DMBT1: variants seen among roughly 807,000 people sequenced by gnomAD.
DMBT1 encodes deleted in malignant brain tumors 1, also known as scavenger receptor cysteine-rich domain-containing protein DMBT1.
DMBT1 carries 198 observed loss-of-function variants against 252.9 expected under a neutral mutation model. The ratio of observed to expected loss-of-function variants is 0.78; its 90% confidence interval spans 0.70 to 0.88. DMBT1 has a LOEUF of 0.88. Ranked by LOEUF, DMBT1 falls within the 40% of genes least tolerant of loss-of-function variation. The pLI, the probability that DMBT1 is intolerant of heterozygous loss-of-function variation, is 0.00. For missense variants in DMBT1, 2,432 were observed against 2,404.7 expected (o/e 1.01, Z -0.24); for synonymous variants, 990 against 942.7 (o/e 1.05, Z -0.92).
At chr10:122,618,598 A>G (rs968596566) in intron 41 of DMBT1, among the ~76,000 whole-genome samples, 6 of 152,228 alleles carry the variant, frequency 3.9e-5, no homozygotes, top group Non-Finnish European at 7.3e-5. Flanking sequence ...AGGAAGAGGC[A>G]GAAGAGAAAA....
chr10:122,620,148 A>G (rs961810270), intron 42 of DMBT1, 105 bp from the exon 43 acceptor site: 1 of 1,240,100 alleles, frequency 8.1e-7, no homozygotes, highest in Non-Finnish European at 1.2e-6. Context: ...GGCAGGAACC[A>G]GAAATTGAAT....
chr10:122,627,783 G>A (rs1056369750), intron 46 of DMBT1, among the ~76,000 whole-genome samples: 16 of 152,284 alleles, frequency 1.1e-4, no homozygotes, highest in African/African-American at 2.6e-4. Context: ...ATGGGAGAAC[G>A]TATTTCTATC....
At position 122,643,442 on chromosome 10, in the gene DMBT1, T is replaced by A. The variant is rs769962526; in HGVS notation, c.*44T>A. ...CACTGTCCACCGGGGCGCAGACCCC[T>A]GACTCGGGGACTTGGGATGTTCCTC... On this transcript the variant is annotated 3_prime_UTR_variant, in exon 56 of 56. Transcript: ENST00000338354. The A allele has an allele frequency of 5.1e-6, 8 of 1,567,996 alleles. No individual in the cohort carries two copies. The South Asian group carries it at 9.3e-5, about 18-fold the overall frequency.
At chr10:122,629,581 T>C (rs1485629934) in intron 46 of DMBT1, among the ~76,000 whole-genome samples, 3 of 152,238 alleles carry the variant, frequency 2.0e-5, no homozygotes, top group Non-Finnish European at 4.4e-5. Context: ...AGGTGACACA[T>C]GCTCCCTCTG....
At chr10:122,569,260 T>C (rs560631430) in intron 2 of DMBT1, among the ~76,000 whole-genome samples, 1 of 152,176 alleles carries the variant, frequency 6.6e-6, no homozygotes, top group Admixed American at 6.5e-5. Context: ...TTCTCCTCCT[T>C]TAAAAGCTGA....
chr10:122,627,852 C>T (rs2098129312), intron 46 of DMBT1, among the ~76,000 whole-genome samples: 1 of 152,148 alleles, frequency 6.6e-6, no homozygotes, highest in Admixed American at 6.5e-5. Context: ...GATAAAAAGT[C>T]AAATAACCCA....
intron 46 of DMBT1, among the ~76,000 whole-genome samples, 199 bp downstream of exon 46, chr10:122,626,164 A>C (rs532245776): frequency 1.3e-5 from 2 of 152,304 alleles, no homozygotes; most frequent in East Asian, 3.9e-4. Context: ...AAAGGCTTTT[A>C]TTTTGGGGGG....
intron 6 of DMBT1, among the ~76,000 whole-genome samples, chr10:122,576,092 G>A (rs1173518748): frequency 1.3e-5 from 2 of 152,158 alleles, no homozygotes; most frequent in Non-Finnish European, 2.9e-5. Context: ...CCTGTCTGAG[G>A]GAATCAGGCA....
Position 122,585,998 on chromosome 10 carries a change from C to G in DMBT1, c.1460-62C>G. 3 of 1,583,512 alleles carry G rather than the reference C, an allele frequency of 1.9e-6. 1 individual carries two copies. In the South Asian group the frequency reaches 3.5e-5, roughly 18 times the overall value. On this transcript the variant is annotated intron_variant, in intron 15 of 55. Transcript: ENST00000338354. ...ATTAGGACGTGCCTTGAGTGTGGAA[C>G]ATTCCTTAGATTCTTGACCTCATGA... is the stretch of plus-strand genomic sequence containing the variant.
Position 122,630,973 on chromosome 10 carries a change from G to A in DMBT1, c.6038G>A (p.Arg2013Lys). ...YNSFPSDATL[R>K]LVNLNSSYGL... The stretch of plus-strand genomic sequence containing the variant: ...ATGTGTCTTTCAGATGCCACCTTGA[G>A]GTTGGTCAATTTAAATTCATCCTAT... Residue 2013 changes from arginine (R) to lysine (K), a missense_variant, in exon 49 of 56, where the codon AGG becomes AAG. This residue lies in a region of DMBT1 where 1,162 missense variants were observed against 1,169.0 expected (regional missense o/e 0.99). Coordinates refer to ENST00000338354, the MANE Select transcript of DMBT1 (RefSeq NM_001377530.1). 2 of 1,600,844 alleles carry A rather than the reference G, an allele frequency of 1.2e-6. No individual in the cohort carries two copies. Among genetic ancestry groups the A allele is most frequent in the Non-Finnish European group, 1.7e-6 (2 of 1,169,556 alleles).
intron 52 of DMBT1, among the ~76,000 whole-genome samples, chr10:122,635,463 AG>A (rs1285123752): frequency 6.6e-6 from 1 of 152,230 alleles, no homozygotes; most frequent in Non-Finnish European, 1.5e-5. Context: ...TGCAAAGGGC[AG>A]GACTAAGACC....
chr10:122,620,387 C>T, intron 43 of DMBT1, 96 bp downstream of exon 43: 6 of 1,464,782 alleles, frequency 4.1e-6, no homozygotes, highest in Non-Finnish European at 5.7e-6. Flanking sequence ...GCTGGCGCCT[C>T]TGTTTTTCAT....
Position 122,586,438 on chromosome 10 carries a change from G to T in DMBT1, c.1783+55G>T, listed in dbSNP as rs2097790260. 12 of 1,575,758 alleles carry T rather than the reference G, an allele frequency of 7.6e-6. 1 individual carries two copies. The highest frequency in any genetic ancestry group is 2.3e-5 in the East Asian group (1 of 42,706). ...CTTGGGGTAGATTTTGCTCAGGAAG[G>T]TTTTATTATGTTCTAATCTCCTCAC... On this transcript the variant is annotated intron_variant, in intron 16 of 55. Coordinates refer to ENST00000338354, the MANE Select transcript of DMBT1 (RefSeq NM_001377530.1).
chr10:122,631,137 G>A lies in DMBT1; in HGVS notation c.6202G>A (p.Ala2068Thr). 6.2e-7 allele frequency: 1 copy of A among 1,614,008 alleles called. No individual in the cohort carries two copies. Among genetic ancestry groups the A allele is most frequent in the Non-Finnish European group, 8.5e-7 (1 of 1,179,908 alleles). ...ACGTGCAGTTTCAGCCCTTGGAAAT[G>A]CATATTTTGGCTCTGGCTCTGGCCC... ...CGRAVSALGN[A>T]YFGSGSGPIT... The change falls in exon 49 of 56, where the codon GCA becomes ACA. Residue 2068 changes from alanine (A) to threonine (T), a missense_variant. Coordinates refer to ENST00000338354, the MANE Select transcript of DMBT1 (RefSeq NM_001377530.1).
At chr10:122,589,989 C>T (rs78655651) in intron 17 of DMBT1, among the ~76,000 whole-genome samples, 9,054 of 148,268 alleles carry the variant, frequency 0.061, 1,146 homozygotes, top group South Asian at 0.15. Context: ...CATCTTTCCC[C>T]CACTGAAAGG....
At chr10:122,630,854 G>T in intron 48 of DMBT1, 107 bp from the exon 49 acceptor site, 1 of 1,256,732 alleles carries the variant, frequency 8.0e-7, no homozygotes. Context: ...TCTATTTGGC[G>T]ACTTTAGAGG....
Position 122,636,057 on chromosome 10 carries a change from C to T in DMBT1, c.6615C>T (p.Leu2205=). The change falls in exon 53 of 56, where the codon CTC becomes CTT. Residue 2205 remains leucine (L), a synonymous_variant. Coordinates refer to ENST00000338354, the MANE Select transcript of DMBT1 (RefSeq NM_001377530.1). ...VFDGPYRSSP[L]IARVCDGARG... is the part of the protein sequence containing the mutation. ...ATGGCCCCTACCGCAGTTCCCCTCTCATTGCTCGAGTTTGTGATGGGGCCA... is the reference window on the plus strand; with the variant it reads ...ATGGCCCCTACCGCAGTTCCCCTCTTATTGCTCGAGTTTGTGATGGGGCCA... The T allele has an allele frequency of 6.2e-7, 1 of 1,614,000 alleles. No homozygotes were observed. The highest frequency in any genetic ancestry group is 8.5e-7 in the Non-Finnish European group (1 of 1,179,890).
At chr10:122,594,130 T>TC (rs552685675) in intron 21 of DMBT1, among the ~76,000 whole-genome samples, 1,830 of 139,152 alleles carry the variant, frequency 0.013, 2 homozygotes, top group African/African-American at 0.043. Context: ...TTCCTGATTG[T>TC]CCCCTGGGCA....
chr10:122,586,488 T>C lies in DMBT1; in HGVS notation c.1783+105T>C, dbSNP rs2097790749. ...CTTAGAGCTTTTTCAACTTTTCCTA[T>C]ATTTCTGATACCTCCTTAGCTCTCT... On this transcript the variant is annotated intron_variant, in intron 16 of 55. Transcript: ENST00000338354. The C allele has an allele frequency of 2.7e-6, 4 of 1,475,274 alleles. 1 individual carries two copies. Among genetic ancestry groups the C allele is most frequent in the Non-Finnish European group, 3.6e-6 (4 of 1,099,130 alleles). 91.4% of individuals were successfully genotyped at this position (1,475,274 alleles called of 1,614,324 possible). A position where few individuals can be genotyped will look rare whatever the true frequency, so the allele number is the denominator to read the frequency against.
Sources: allele counts gnomAD v4.1 joint callset (sites outside exome capture counted in the v4.1 genomes callset), GRCh38; gene constraint gnomAD v4.1.1; regional missense constraint gnomAD v4.1.1; transcripts MANE v1.5; gene names NCBI Gene and HGNC (gene_info 2026-07-23, HGNC 2026-07-21).